GSAP: variants seen among roughly 807,000 people sequenced by gnomAD.
GSAP encodes the protein gamma-secretase-activating protein.
A neutral mutation model predicts 131.7 loss-of-function variants in GSAP; 118 were observed. That is an observed-to-expected ratio of 0.90 (90% CI 0.77 to 1.04). The LOEUF (loss-of-function observed/expected upper bound fraction) is 1.04, where lower values mean the gene tolerates loss of function less well. GSAP is among the 50% of genes least tolerant of loss of function. GSAP has a pLI of 0.00. For synonymous variants in GSAP, 381 were observed against 363.4 expected (o/e 1.05, Z -0.55); for missense variants, 1,019 against 1,013.2 (o/e 1.01, Z -0.08).
At chr7:77,416,354 C>T (rs1258555823), upstream of GSAP, 2 of 1,301,180 alleles carry the variant, frequency 1.5e-6, no homozygotes, top group Non-Finnish European at 2.0e-6. Flanking sequence ...GGCTCTGGGG[C>T]CCCGCACCGC....
chr7:77,362,711 T>C (rs1451639832), intron 12 of GSAP, 51 bp from the exon 13 acceptor site: 4 of 1,040,420 alleles, frequency 3.8e-6, no homozygotes, highest in Non-Finnish European at 6.0e-6. Context: ...ATGTCATAAA[T>C]AAAGTTTCCT....
chr7:77,383,558 C>T (rs946311833), intron 6 of GSAP, among the ~76,000 whole-genome samples: 2 of 152,166 alleles, frequency 1.3e-5, no homozygotes, highest in East Asian at 3.8e-4. Flanking sequence ...GAAGAAAAGG[C>T]TTAAATCCAC....
chr7:77,385,874 T>G (rs963793351), intron 6 of GSAP, among the ~76,000 whole-genome samples: 5 of 152,182 alleles, frequency 3.3e-5, no homozygotes, highest in Non-Finnish European at 5.9e-5. Flanking sequence ...GTGGTGCAAA[T>G]TGACTCTGGC....
intron 5 of GSAP, among the ~76,000 whole-genome samples, chr7:77,391,125 CA>C (rs3083869): frequency 0.042 from 2,702 of 64,956 alleles, 35 homozygotes; most frequent in African/African-American, 0.15. Flanking sequence ...GGCTCCGTCT[CA>C]AAAAAAAAAA....
chr7:77,379,613 C>T (rs767415180), intron 8 of GSAP, among the ~76,000 whole-genome samples: 1 of 152,124 alleles, frequency 6.6e-6, no homozygotes, highest in Non-Finnish European at 1.5e-5. Context: ...CCTCTTCTAA[C>T]CAGCCAGTCC....
At chr7:77,394,038 T>C (rs28413540) in intron 5 of GSAP, among the ~76,000 whole-genome samples, 18,806 of 152,124 alleles carry the variant, frequency 0.12, 1,674 homozygotes, top group East Asian at 0.4. Context: ...AGCCCTTGCT[T>C]CACTTTACCA....
In GSAP at chr7:77,374,943, A is replaced by G. The variant is rs984443286; in HGVS notation, c.785+115T>C. 3 of 534,822 alleles carry G rather than the reference A, an allele frequency of 5.6e-6. No individual in the cohort carries two copies. The South Asian group carries it at 8.3e-5, about 15-fold the overall frequency. 33.1% of individuals were successfully genotyped at this position (534,822 alleles called of 1,614,324 possible). A position where few individuals can be genotyped will look rare whatever the true frequency, so the allele number is the denominator to read the frequency against. ...ATGGAGAATGGGAATACAAAAAAAG[A>G]TGCACACAGAATATCAAACTCTCTT... On this transcript the variant is annotated intron_variant, in intron 11 of 30. Transcript: ENST00000257626.
intron 7 of GSAP, among the ~76,000 whole-genome samples, chr7:77,382,112 A>C (rs776379503): frequency 2.6e-5 from 4 of 151,188 alleles, no homozygotes; most frequent in African/African-American, 9.7e-5. Context: ...TTTATGTCCT[A>C]AACTTATTTG....
intron 8 of GSAP, among the ~76,000 whole-genome samples, chr7:77,381,030 T>C (rs1215601165): frequency 6.6e-6 from 1 of 152,160 alleles, no homozygotes; most frequent in Admixed American, 6.5e-5. Flanking sequence ...CTTGCATAGG[T>C]TTGCACGAGC....
chr7:77,354,577 T>C (rs1018118218), intron 16 of GSAP, among the ~76,000 whole-genome samples: 3 of 152,186 alleles, frequency 2.0e-5, no homozygotes, highest in Non-Finnish European at 2.9e-5. Flanking sequence ...AAAAATGATG[T>C]TGAACTTCAA....
chr7:77,386,947 AT>A (rs1409350232), intron 6 of GSAP, among the ~76,000 whole-genome samples: 2 of 152,236 alleles, frequency 1.3e-5, no homozygotes, highest in Admixed American at 6.5e-5. Context: ...TCTGCAAATA[AT>A]GAGGAATGAC....
intron 9 of GSAP, among the ~76,000 whole-genome samples, 185 bp from the exon 10 acceptor site, chr7:77,377,092 G>C (rs1029855437): frequency 6.6e-6 from 1 of 151,710 alleles, no homozygotes; most frequent in Non-Finnish European, 1.5e-5. Context: ...TATGGCTCAT[G>C]CCTGTAATCC....
At chr7:77,375,858 A>C (rs1385650561) in intron 10 of GSAP, among the ~76,000 whole-genome samples, 2 of 144,322 alleles carry the variant, frequency 1.4e-5, no homozygotes, top group Non-Finnish European at 3.0e-5. Flanking sequence ...AAAAAAAAAA[A>C]CAAACAAAAA....
intron 24 of GSAP, among the ~76,000 whole-genome samples, chr7:77,322,453 CTTATG>C (rs1238942301): frequency 2.6e-5 from 4 of 152,004 alleles, no homozygotes; most frequent in Non-Finnish European, 5.9e-5. Context: ...AGTGTTAAAA[CTTATG>C]TTATTAACAA....
At chr7:77,402,526 C>T (rs1213629822) in intron 3 of GSAP, among the ~76,000 whole-genome samples, 13 of 132,718 alleles carry the variant, frequency 9.8e-5, no homozygotes. Flanking sequence ...ACCCAGGAGG[C>T]GGAGGTTGCA....
intron 1 of GSAP, among the ~76,000 whole-genome samples, chr7:77,415,321 C>A (rs1804155448): frequency 6.6e-6 from 1 of 152,250 alleles, no homozygotes; most frequent in Non-Finnish European, 1.5e-5. Context: ...TCCAAATTCA[C>A]TGAAGTGGAC....
intron 14 of GSAP, among the ~76,000 whole-genome samples, chr7:77,356,921 C>G (rs946627417): frequency 1.3e-5 from 2 of 152,158 alleles, no homozygotes; most frequent in African/African-American, 4.8e-5. Context: ...TTTCAGTCAA[C>G]GTGGATTAAA....
chr7:77,374,215 G>A, intron 11 of GSAP, 60 bp from the exon 12 acceptor site: 2 of 820,628 alleles, frequency 2.4e-6, no homozygotes, highest in African/African-American at 1.7e-5. Flanking sequence ...CCTTCATAAA[G>A]GATGTGAGTA....
intron 28 of GSAP, 28 bp downstream of exon 28, chr7:77,313,460 G>A (rs749953886): frequency 1.3e-5 from 17 of 1,285,260 alleles, no homozygotes; most frequent in Non-Finnish European, 1.7e-5. Context: ...AAAGCTTAGG[G>A]AGAAAATAAA....
Sources: allele counts gnomAD v4.1 joint callset (sites outside exome capture counted in the v4.1 genomes callset), GRCh38; gene constraint gnomAD v4.1.1; transcripts MANE v1.5; gene names NCBI Gene and HGNC (gene_info 2026-07-23, HGNC 2026-07-21).